NRG3: variants seen among roughly 807,000 people sequenced by gnomAD.
NRG3 encodes neuregulin 3, also known as pro-neuregulin-3, membrane-bound isoform.
In NRG3, 31 loss-of-function variants were observed where a neutral mutation model predicts 66.9. The ratio of observed to expected loss-of-function variants is 0.46; its 90% CI spans 0.35 to 0.63. The LOEUF is 0.63. NRG3 is among the 20% of genes least tolerant of loss of function. NRG3 has a pLI of 0.00. For synonymous variants in NRG3, 393 were observed against 359.4 expected, an observed-to-expected ratio of 1.09 and a Z score of -1.06; for missense variants, 910 against 878.9, an observed-to-expected ratio of 1.04 and a Z score of -0.45.
chr10:82,915,634 A>T (rs1457062593), intron 4 of NRG3, among the ~76,000 whole-genome samples: 2 of 84,806 alleles, frequency 2.4e-5, no homozygotes, highest in Non-Finnish European at 4.8e-5. Flanking sequence ...ACTTCAAAGT[A>T]AAAAAAAAAT....
chr10:82,102,128 G>A (rs998788744), intron 1 of NRG3, among the ~76,000 whole-genome samples: 12 of 7,166 alleles, frequency 1.7e-3, no homozygotes, highest in African/African-American at 2.8e-3. Flanking sequence ...ATATATATGT[G>A]TATTCATATA....
At chr10:82,410,357 G>A (rs1244089798) in intron 2 of NRG3, among the ~76,000 whole-genome samples, 1 of 151,536 alleles carries the variant, frequency 6.6e-6, no homozygotes, top group African/African-American at 2.4e-5. Flanking sequence ...AAAAATACAT[G>A]GAGGGATGCC....
chr10:82,720,626 G>A (rs2057238720), intron 2 of NRG3, among the ~76,000 whole-genome samples: 1 of 151,204 alleles, frequency 6.6e-6, no homozygotes, highest in Non-Finnish European at 1.5e-5. Context: ...TCTCAACAGT[G>A]TCATGAGGGT....
intron 2 of NRG3, among the ~76,000 whole-genome samples, chr10:82,472,679 T>A (rs1841381699): frequency 6.6e-6 from 1 of 152,230 alleles, no homozygotes; most frequent in Non-Finnish European, 1.5e-5. Context: ...TGTGTGGTAA[T>A]GAGAGCATGT....
intron 1 of NRG3, among the ~76,000 whole-genome samples, chr10:82,077,169 C>T (rs920762227): frequency 1.3e-5 from 2 of 152,132 alleles, no homozygotes; most frequent in Non-Finnish European, 2.9e-5. Context: ...AGCCATTTTT[C>T]ACTTCTGTAA....
chr10:82,877,173 A>G (rs1313822049), intron 4 of NRG3, among the ~76,000 whole-genome samples: 1 of 152,158 alleles, frequency 6.6e-6, no homozygotes, highest in African/African-American at 2.4e-5. Context: ...ATGATGGAAC[A>G]TCTGCAGATG....
chr10:82,461,183 A>G (rs2091493891), intron 2 of NRG3, among the ~76,000 whole-genome samples: 2 of 151,678 alleles, frequency 1.3e-5, no homozygotes, highest in South Asian at 4.2e-4. Context: ...CATCAACACC[A>G]TCACCACCAC....
At chr10:82,904,854 A>C (rs1448224431) in intron 4 of NRG3, among the ~76,000 whole-genome samples, 1 of 152,152 alleles carries the variant, frequency 6.6e-6, no homozygotes, top group Admixed American at 6.5e-5. Flanking sequence ...TTTCTGATAC[A>C]TACTTCCAGT....
At chr10:82,607,552 A>T (rs571100862) in intron 2 of NRG3, among the ~76,000 whole-genome samples, 1 of 152,212 alleles carries the variant, frequency 6.6e-6, no homozygotes, top group East Asian at 1.9e-4. Context: ...ATTTTAATTG[A>T]TGTATCAAAC....
intron 2 of NRG3, among the ~76,000 whole-genome samples, chr10:82,604,035 C>T (rs1165136073): frequency 6.6e-6 from 1 of 151,860 alleles, no homozygotes; most frequent in Non-Finnish European, 1.5e-5. Context: ...AATTGATGGG[C>T]CAATATAAAA....
intron 4 of NRG3, among the ~76,000 whole-genome samples, chr10:82,935,205 A>G (rs913831634): frequency 2.0e-5 from 3 of 152,188 alleles, no homozygotes; most frequent in African/African-American, 7.2e-5. Flanking sequence ...AGATTGGGAG[A>G]GCTGTTAGTC....
At chr10:82,548,523 TCACACACACACACACA>T (rs59459683) in intron 2 of NRG3, among the ~76,000 whole-genome samples, 4 of 139,460 alleles carry the variant, frequency 2.9e-5, no homozygotes, top group African/African-American at 5.2e-5. Flanking sequence ...ATTCTGTCTC[TCACACACACACACACA>T]CACACACACA....
At chr10:82,159,140 C>T (rs1405735995) in intron 1 of NRG3, among the ~76,000 whole-genome samples, 1 of 151,840 alleles carries the variant, frequency 6.6e-6, no homozygotes, top group Non-Finnish European at 1.5e-5. Context: ...CTGCAAGTTA[C>T]AGATTAGGTG....
chr10:82,563,781 G>A (rs892125801), intron 2 of NRG3, among the ~76,000 whole-genome samples: 3 of 151,736 alleles, frequency 2.0e-5, no homozygotes, highest in African/African-American at 7.3e-5. Flanking sequence ...TAGCAATTTT[G>A]AAATATACAG....
intron 2 of NRG3, among the ~76,000 whole-genome samples, chr10:82,506,333 G>A (rs893387548): frequency 3.9e-5 from 6 of 152,144 alleles, no homozygotes; most frequent in Non-Finnish European, 5.9e-5. Flanking sequence ...TTCAGACAAG[G>A]TACTCCAACT....
chr10:82,474,076 G>A (rs1841532460), intron 2 of NRG3, among the ~76,000 whole-genome samples: 1 of 151,966 alleles, frequency 6.6e-6, no homozygotes, highest in South Asian at 2.1e-4. Flanking sequence ...CTTAAGAGAG[G>A]ACTTTAAGGC....
At chr10:82,624,601 T>G (rs1178407942) in intron 2 of NRG3, among the ~76,000 whole-genome samples, 3 of 151,828 alleles carry the variant, frequency 2.0e-5, no homozygotes, top group Non-Finnish European at 4.4e-5. Context: ...TTGTGTTAAT[T>G]TTTTTAAATC....
At chr10:82,014,137 C>T (rs74461623) in intron 1 of NRG3, among the ~76,000 whole-genome samples, 5,379 of 152,164 alleles carry the variant, frequency 0.035, 231 homozygotes, top group East Asian at 0.14. Context: ...GATTGTAGCT[C>T]TTGAGGAATT....
intron 1 of NRG3, among the ~76,000 whole-genome samples, chr10:82,128,860 T>C (rs1230296928): frequency 6.6e-6 from 1 of 152,046 alleles, no homozygotes; most frequent in South Asian, 2.1e-4. Context: ...AATAACCATG[T>C]TGATGATAAA....
Sources: allele counts gnomAD v4.1 joint callset (sites outside exome capture counted in the v4.1 genomes callset), GRCh38; gene constraint gnomAD v4.1.1; transcripts MANE v1.5; gene names NCBI Gene and HGNC (gene_info 2026-07-23, HGNC 2026-07-21).